Variants in AIG1 observed in about 807,000 individuals in gnomAD.
The protein encoded by AIG1 is androgen induced 1, also known as androgen-induced gene 1 protein.
AIG1 carries 23 observed loss-of-function variants against 31.4 expected under a neutral mutation model. The observed-to-expected ratio is 0.73, with a 90% CI of 0.53 to 1.04. The LOEUF (loss-of-function observed/expected upper bound fraction) is 1.04, where lower values mean the gene tolerates loss of function less well. AIG1 is among the 50% of genes least tolerant of loss of function. The pLI, the probability that AIG1 is intolerant of heterozygous loss-of-function variation, is 0.00. For missense variants in AIG1, 274 were observed against 295.0 expected (o/e 0.93, Z 0.52); for synonymous variants, 100 against 110.5 (o/e 0.90, Z 0.60).
At chr6:143,097,150 G>A (rs1324825338) in intron 1 of AIG1, among the ~76,000 whole-genome samples, 3 of 151,628 alleles carry the variant, frequency 2.0e-5, no homozygotes, top group Non-Finnish European at 2.9e-5. Context: ...AAGGAAAAGT[G>A]AAGTTTTTTG....
At chr6:143,189,089 T>G (rs1583460298) in intron 3 of AIG1, 1 of 870,080 alleles carries the variant, frequency 1.1e-6, no homozygotes, top group Admixed American at 6.2e-5. Context: ...TCATCCAGGC[T>G]GGAATACACA....
At chr6:143,194,135 T>A (rs541137769) in intron 3 of AIG1, among the ~76,000 whole-genome samples, 1 of 152,202 alleles carries the variant, frequency 6.6e-6, no homozygotes, top group African/African-American at 2.4e-5. Context: ...GGAGACTAGA[T>A]AATTTATAAA....
At chr6:143,117,127 A>T (rs1479695083) in intron 1 of AIG1, among the ~76,000 whole-genome samples, 1 of 152,094 alleles carries the variant, frequency 6.6e-6, no homozygotes, top group Non-Finnish European at 1.5e-5. Flanking sequence ...TAACATTTGA[A>T]TGAAGAGCTG....
intron 3 of AIG1, chr6:143,187,693 G>A (rs1789394218): frequency 6.5e-7 from 1 of 1,536,068 alleles, no homozygotes; most frequent in Admixed American, 2.0e-5. Context: ...GAAGCAGGCT[G>A]CCTCTCCACA....
chr6:143,287,325 G>A (rs1797754412), intron 4 of AIG1, among the ~76,000 whole-genome samples: 2 of 152,136 alleles, frequency 1.3e-5, no homozygotes, highest in South Asian at 4.1e-4. Flanking sequence ...ATCTTATTTA[G>A]TTCCCCAAAC....
At chr6:143,120,865 C>T (rs1479925019) in intron 1 of AIG1, among the ~76,000 whole-genome samples, 1 of 152,148 alleles carries the variant, frequency 6.6e-6, no homozygotes, top group Admixed American at 6.5e-5. Flanking sequence ...GGCCGTGATG[C>T]CCATGCTGGA....
At chr6:143,191,590 G>A (rs1179542587) in intron 3 of AIG1, among the ~76,000 whole-genome samples, 1 of 151,862 alleles carries the variant, frequency 6.6e-6, no homozygotes, top group African/African-American at 2.4e-5. Context: ...ACACTTTTTT[G>A]GAGTTTCTTC....
intron 3 of AIG1, among the ~76,000 whole-genome samples, chr6:143,226,703 G>A (rs182448241): frequency 4.6e-5 from 7 of 152,218 alleles, no homozygotes; most frequent in African/African-American, 1.4e-4. Flanking sequence ...ATTTAAAATA[G>A]GTAGGCCTCA....
chr6:143,250,754 C>T (rs1233678590), intron 3 of AIG1, among the ~76,000 whole-genome samples: 1 of 152,152 alleles, frequency 6.6e-6, no homozygotes, highest in Non-Finnish European at 1.5e-5. Flanking sequence ...CCACTTGCGG[C>T]CCAGGACAGC....
chr6:143,236,240 C>T (rs1254046515), intron 3 of AIG1, among the ~76,000 whole-genome samples: 2 of 152,228 alleles, frequency 1.3e-5, no homozygotes, highest in African/African-American at 2.4e-5. Context: ...TGGTGACCTT[C>T]GCAGCCATCT....
intron 1 of AIG1, among the ~76,000 whole-genome samples, chr6:143,071,951 T>G (rs1395735891): frequency 6.7e-6 from 1 of 149,482 alleles, no homozygotes; most frequent in Admixed American, 6.6e-5. Context: ...GCCCAGATTG[T>G]TTTTTTTTAA....
Position 143,211,982 on chromosome 6 carries a change from C to T in AIG1, c.399+46799C>T, listed in dbSNP as rs6904971. ...TTGTTCTGAATGTCCTTTGTGTAAC[C>T]CAGGGTTTCTCAGCCTCAGCATTAT... On this transcript the variant is annotated intron_variant, in intron 3 of 5. Transcript: ENST00000357847. Among the ~76,000 whole-genome samples, 1,471 of 152,078 alleles carry T rather than the reference C, an allele frequency of 9.7e-3. 25 individuals carry two copies. The highest frequency in any genetic ancestry group is 0.033 in the African/African-American group (1,381 of 41,466).
chr6:143,332,068 C>T (rs1405201916), intron 4 of AIG1, among the ~76,000 whole-genome samples: 3 of 151,942 alleles, frequency 2.0e-5, no homozygotes, highest in East Asian at 1.9e-4. Flanking sequence ...GATGGGGTTT[C>T]GCCATGTTGG....
At chr6:143,264,922 AT>A (rs907614841) in intron 3 of AIG1, among the ~76,000 whole-genome samples, 5 of 152,172 alleles carry the variant, frequency 3.3e-5, no homozygotes, top group Admixed American at 6.5e-5. Flanking sequence ...GTGTACTGAC[AT>A]TTGCAGCTTC....
At chr6:143,230,143 C>T (rs911697400) in intron 3 of AIG1, among the ~76,000 whole-genome samples, 1 of 152,042 alleles carries the variant, frequency 6.6e-6, no homozygotes, top group East Asian at 1.9e-4. Context: ...GTTTAAGATC[C>T]TTTAATGGTT....
rs181429630 is a variant in AIG1, at chr6:143,268,982, C to A, written c.400-15128C>A. On this transcript the variant is annotated intron_variant, in intron 3 of 5. Coordinates refer to ENST00000357847, the MANE Select transcript of AIG1 (RefSeq NM_016108.4). The surrounding 1 kb of genome is among the most constrained non-coding windows in gnomAD (Gnocchi z 5.0). Reference sequence around the variant, plus strand: ...TGGGGTATAAAGACCTGACCCACTTCCTCTATTAGGGGCAACTCTGAAGGG... The same window carrying A: ...TGGGGTATAAAGACCTGACCCACTTACTCTATTAGGGGCAACTCTGAAGGG... Among the ~76,000 whole-genome samples the A allele has an allele frequency of 6.6e-6, 1 of 152,328 alleles. No homozygotes were observed. The highest frequency in any genetic ancestry group is 2.4e-5 in the African/African-American group (1 of 41,574).
intron 3 of AIG1, among the ~76,000 whole-genome samples, chr6:143,223,906 C>T (rs1307463041): frequency 1.3e-5 from 2 of 152,130 alleles, no homozygotes; most frequent in Non-Finnish European, 2.9e-5. Context: ...AAGAAATAGA[C>T]TACCATCATA....
chr6:143,339,568 C>T, intron 5 of AIG1, 71 bp from the exon 6 acceptor site: 1 of 1,521,906 alleles, frequency 6.6e-7, no homozygotes, highest in East Asian at 2.3e-5. Flanking sequence ...GTAGTGTTAG[C>T]AAGCCAGATT....
At chr6:143,141,616 G>A (rs909699103) in intron 2 of AIG1, among the ~76,000 whole-genome samples, 5 of 152,144 alleles carry the variant, frequency 3.3e-5, no homozygotes, top group South Asian at 2.1e-4. Flanking sequence ...GCTAATGGCC[G>A]GAAACCACCA....
Sources: gnomAD v4.1 joint callset for allele counts (sites outside exome capture counted in the v4.1 genomes callset) on GRCh38, gnomAD v4.1.1 for gene constraint, Gnocchi (gnomAD v3.1) non-coding constraint, MANE v1.5 for transcripts, NCBI Gene and HGNC (gene_info 2026-07-23, HGNC 2026-07-21) for gene names.